The following CRADD variants were observed in gnomAD, a reference collection of about 807,000 sequenced individuals.
The protein encoded by CRADD is death domain-containing protein CRADD.
A neutral mutation model predicts 15.5 loss-of-function variants in CRADD; 9 were observed. That is an observed-to-expected ratio of 0.58 (90% CI 0.35 to 1.01). The LOEUF is 1.01. Ranked by LOEUF, CRADD falls within the 50% of genes least tolerant of loss-of-function variation. CRADD has a pLI of 0.02. For missense variants in CRADD, 227 were observed against 250.3 expected (o/e 0.91, Z 0.63); for synonymous variants, 118 against 107.6 (o/e 1.10, Z -0.60).
At chr12:93,762,372 G>A (rs1956976955) in intron 2 of CRADD, among the ~76,000 whole-genome samples, 1 of 152,150 alleles carries the variant, frequency 6.6e-6, no homozygotes, top group Admixed American at 6.5e-5. Flanking sequence ...AGATATGTCT[G>A]GCTTTCTTGA....
At position 93,701,684 on chromosome 12, in the gene CRADD, G is replaced by GC. The variant is rs551096674; in HGVS notation, c.298+22612_298+22613insC. On this transcript the variant is annotated intron_variant, in intron 2 of 2. Transcript: ENST00000332896. ...TCCAAATTCCTGAGAATATGATTCAGTTAGTGAGTAACATTCTCTATGCTG... is the reference window on the plus strand; with the variant it reads ...TCCAAATTCCTGAGAATATGATTCAGCTTAGTGAGTAACATTCTCTATGCTG... Among the ~76,000 whole-genome samples the GC allele has an allele frequency of 3.0e-4, 45 of 152,330 alleles. No individual in the cohort carries two copies. The South Asian group carries it at 8.9e-3, about 30-fold the overall frequency.
At chr12:93,762,331 T>G (rs1038727675) in intron 2 of CRADD, among the ~76,000 whole-genome samples, 2 of 152,238 alleles carry the variant, frequency 1.3e-5, no homozygotes, top group South Asian at 4.1e-4. Flanking sequence ...GGCTGCTTCC[T>G]TGTCTTTAAG....
intron 2 of CRADD, among the ~76,000 whole-genome samples, chr12:93,782,058 G>A (rs538664369): frequency 6.6e-6 from 1 of 151,968 alleles, no homozygotes; most frequent in Non-Finnish European, 1.5e-5. Flanking sequence ...GTTTATAGCG[G>A]CACTATTCAC....
chr12:93,800,792 A>G (rs1242208683), intron 2 of CRADD, among the ~76,000 whole-genome samples: 1 of 152,182 alleles, frequency 6.6e-6, no homozygotes, highest in Non-Finnish European at 1.5e-5. Flanking sequence ...CTGTTGATTC[A>G]AATGCTACTC....
rs35071454 is a variant in CRADD, at chr12:93,824,421, T to TACACACACACAC, written c.299-25540_299-25529dup. 6.7e-6 allele frequency among the ~76,000 whole-genome samples: 1 copy of TACACACACACAC among 150,372 alleles called. No individual in the cohort carries two copies. The highest frequency in any genetic ancestry group is 2.1e-4 in the South Asian group (1 of 4,760). On this transcript the variant is annotated intron_variant, in intron 2 of 2. Coordinates refer to ENST00000332896, the MANE Select transcript of CRADD (RefSeq NM_003805.5). The surrounding 1 kb of genome is among the most constrained non-coding windows in gnomAD (Gnocchi z 4.3). Reference sequence around the variant, plus strand: ...ACACACACACACTCATACACACACATACACACACACACACACACACTACCA... The same window carrying TACACACACACAC: ...ACACACACACACTCATACACACACATACACACACACACACACACACACACACACACACTACCA...
chr12:93,761,691 C>T (rs1184934208), intron 2 of CRADD, among the ~76,000 whole-genome samples: 1 of 152,180 alleles, frequency 6.6e-6, no homozygotes, highest in Non-Finnish European at 1.5e-5. Context: ...GTAGGCTGCA[C>T]ATTGCCTAAT....
At chr12:93,837,868 AT>A (rs1957992435) in intron 2 of CRADD, 1 of 152,202 alleles carries the variant, frequency 6.6e-6, no homozygotes, top group Admixed American at 6.5e-5. Flanking sequence ...GTAGTAGCAG[AT>A]TCAAATTTAT....
intron 2 of CRADD, among the ~76,000 whole-genome samples, chr12:93,892,294 T>C (rs1414383265): frequency 3.3e-5 from 5 of 152,236 alleles, no homozygotes; most frequent in African/African-American, 1.2e-4. Context: ...TCCTGGATTT[T>C]TGACACCAAT....
chr12:93,734,393 T>C (rs1370323455), intron 2 of CRADD, among the ~76,000 whole-genome samples: 1 of 152,250 alleles, frequency 6.6e-6, no homozygotes, highest in Non-Finnish European at 1.5e-5. Context: ...TTAAATGACT[T>C]ACTTGGGATA....
intron 2 of CRADD, among the ~76,000 whole-genome samples, chr12:93,780,947 G>A (rs910934600): frequency 6.7e-5 from 10 of 149,122 alleles, no homozygotes; most frequent in African/African-American, 2.2e-4. Context: ...GTAGAGACAC[G>A]GTTTTGCTAT....
intron 2 of CRADD, among the ~76,000 whole-genome samples, chr12:93,883,329 A>G (rs1329053076): frequency 1.3e-5 from 2 of 152,244 alleles, no homozygotes; most frequent in African/African-American, 4.8e-5. Flanking sequence ...GCTTTCTACC[A>G]AAAGAAATTC....
intron 2 of CRADD, among the ~76,000 whole-genome samples, chr12:93,734,014 G>A (rs964289758): frequency 6.6e-6 from 1 of 152,140 alleles, no homozygotes. Context: ...TCGGATTACA[G>A]GCGTGAGCCA....
intron 2 of CRADD, among the ~76,000 whole-genome samples, chr12:93,821,178 C>T (rs1957765424): frequency 6.6e-6 from 1 of 152,224 alleles, no homozygotes; most frequent in Admixed American, 6.5e-5. Context: ...GACATTGGAC[C>T]CTTCTTTCAG....
intron 2 of CRADD, among the ~76,000 whole-genome samples, chr12:93,745,790 C>G (rs1175364461): frequency 6.6e-6 from 1 of 152,020 alleles, no homozygotes; most frequent in African/African-American, 2.4e-5. Flanking sequence ...GTGTAATTAA[C>G]CAAGTGGAAT....
downstream of CRADD, among the ~76,000 whole-genome samples, chr12:93,851,134 C>T (rs1958216823): frequency 6.6e-6 from 1 of 152,154 alleles, no homozygotes; most frequent in South Asian, 2.1e-4. Flanking sequence ...GTCTTCTGTC[C>T]TTTTATCAAT....
chr12:93,872,798 T>C (rs965989898), intron 2 of CRADD, among the ~76,000 whole-genome samples: 3 of 152,180 alleles, frequency 2.0e-5, no homozygotes, highest in African/African-American at 4.8e-5. Flanking sequence ...CATACTGTTT[T>C]GGTTACTATA....
intron 2 of CRADD, among the ~76,000 whole-genome samples, chr12:93,773,613 T>C (rs1042020366): frequency 3.3e-5 from 5 of 151,998 alleles, no homozygotes; most frequent in Non-Finnish European, 7.4e-5. Flanking sequence ...CATGCAGACA[T>C]TCAGGGACCC....
chr12:93,783,228 GTATTATTATTATTAT>G lies in CRADD; in HGVS notation c.299-66710_299-66696del, dbSNP rs57260302. On this transcript the variant is annotated intron_variant, in intron 2 of 2. Coordinates refer to ENST00000332896, the MANE Select transcript of CRADD (RefSeq NM_003805.5). ...TCAGCCTTCCAAGTTACAGGTATAGGTATTATTATTATTATTATTATTATTATTATTATTATTATT... is the reference window on the plus strand; with the variant it reads ...TCAGCCTTCCAAGTTACAGGTATAGGTATTATTATTATTATTATTATTATT... Among the ~76,000 whole-genome samples, 66 of 139,364 alleles carry G rather than the reference GTATTATTATTATTAT, an allele frequency of 4.7e-4. 1 individual carries two copies. Among genetic ancestry groups the G allele is most frequent in the African/African-American group, 1.1e-3 (40 of 38,080 alleles). 91.4% of individuals were successfully genotyped at this position (139,364 alleles called of 152,430 possible). A position where few individuals can be genotyped will look rare whatever the true frequency, so the allele number is the denominator to read the frequency against.
At chr12:93,697,582 G>T (rs1955740485) in intron 2 of CRADD, among the ~76,000 whole-genome samples, 1 of 147,948 alleles carries the variant, frequency 6.8e-6, no homozygotes, top group Admixed American at 6.6e-5. Flanking sequence ...ATTTTTATTT[G>T]TCAGTTAAAA....
Sources: gnomAD v4.1 joint callset for allele counts (sites outside exome capture counted in the v4.1 genomes callset) on GRCh38, gnomAD v4.1.1 for gene constraint, Gnocchi (gnomAD v3.1) non-coding constraint, MANE v1.5 for transcripts, NCBI Gene and HGNC (gene_info 2026-07-23, HGNC 2026-07-21) for gene names.